Variants in TMEM132D observed in about 807,000 individuals in gnomAD.
The protein encoded by TMEM132D is transmembrane protein 132D.
In TMEM132D, 21 loss-of-function variants were observed where a neutral mutation model predicts 62.3. The ratio of observed to expected loss-of-function variants is 0.34; its 90% confidence interval spans 0.24 to 0.49. The LOEUF (loss-of-function observed/expected upper bound fraction) is 0.49, where lower values mean the gene tolerates loss of function less well. Among genes scored for constraint, TMEM132D ranks in the 20% least tolerant of loss-of-function variants. The pLI is 0.99. For missense variants in TMEM132D, 1,346 were observed against 1,402.8 expected (o/e 0.96, Z 0.65); for synonymous variants, 621 against 575.6 (o/e 1.08, Z -1.13).
intron 2 of TMEM132D, among the ~76,000 whole-genome samples, chr12:129,664,706 T>C (rs1367813654): frequency 1.3e-5 from 2 of 152,112 alleles, no homozygotes; most frequent in Non-Finnish European, 2.9e-5. Context: ...ATTACAGGTG[T>C]GAGCCACTGC....
intron 3 of TMEM132D, among the ~76,000 whole-genome samples, chr12:129,408,964 G>C (rs1871882887): frequency 6.6e-6 from 1 of 152,082 alleles, no homozygotes; most frequent in South Asian, 2.1e-4. Flanking sequence ...ATGGAGTCTT[G>C]CTCTTTCGCC....
intron 2 of TMEM132D, among the ~76,000 whole-genome samples, chr12:129,659,563 C>T (rs535210887): frequency 6.6e-6 from 1 of 151,426 alleles, no homozygotes; most frequent in South Asian, 2.1e-4. Flanking sequence ...AATTGAGAAG[C>T]AATTTGATTT....
intron 5 of TMEM132D, among the ~76,000 whole-genome samples, chr12:129,125,500 GT>G (rs397850884): frequency 3.7e-5 from 2 of 53,894 alleles, no homozygotes; most frequent in Admixed American, 1.8e-4. Context: ...ATTACTATGA[GT>G]TTTTTTTTTT....
intron 2 of TMEM132D, among the ~76,000 whole-genome samples, chr12:129,640,748 TAGC>T (rs1227694615): frequency 1.3e-5 from 2 of 152,118 alleles, no homozygotes; most frequent in Non-Finnish European, 2.9e-5. Context: ...CCATGACACA[TAGC>T]AGAAGGTGAG....
chr12:129,463,434 T>G (rs976209709), intron 3 of TMEM132D, among the ~76,000 whole-genome samples: 1 of 140,652 alleles, frequency 7.1e-6, no homozygotes, highest in Non-Finnish European at 1.6e-5. Context: ...CTGGGATCCC[T>G]GTCCTATTTA....
chr12:129,187,912 T>C (rs1204612288), intron 5 of TMEM132D, among the ~76,000 whole-genome samples: 1 of 152,278 alleles, frequency 6.6e-6, no homozygotes, highest in Non-Finnish European at 1.5e-5. Flanking sequence ...TATTACTTAC[T>C]AATATGTTTC....
intron 3 of TMEM132D, among the ~76,000 whole-genome samples, chr12:129,428,296 T>C (rs1872555503): frequency 6.6e-6 from 1 of 152,266 alleles, no homozygotes; most frequent in Non-Finnish European, 1.5e-5. Context: ...AGCATCTTTT[T>C]ACTTTTATGA....
At chr12:129,794,253 A>ATTTTTTTTTTTTTT (rs3046861) in intron 1 of TMEM132D, among the ~76,000 whole-genome samples, 5 of 111,554 alleles carry the variant, frequency 4.5e-5, no homozygotes, top group Non-Finnish European at 7.0e-5. Context: ...CATGCCCAGC[A>ATTTTTTTTTTTTTT]TTTTTTTTTT....
At chr12:129,750,285 T>C (rs983396639) in intron 1 of TMEM132D, among the ~76,000 whole-genome samples, 1 of 152,012 alleles carries the variant, frequency 6.6e-6, no homozygotes, top group Non-Finnish European at 1.5e-5. Flanking sequence ...TGGGTTTCAC[T>C]GTGTTAGCCA....
intron 4 of TMEM132D, among the ~76,000 whole-genome samples, chr12:129,292,144 G>T (rs1021087601): frequency 6.6e-6 from 1 of 152,216 alleles, no homozygotes; most frequent in African/African-American, 2.4e-5. Flanking sequence ...ACATCTATTG[G>T]CCCTCTTCAC....
In TMEM132D at chr12:129,118,875, G is replaced by A. The variant is rs147899268; in HGVS notation, c.1444-34173C>T. 3.6e-3 allele frequency among the ~76,000 whole-genome samples: 544 copies of A among 152,312 alleles called. 6 individuals carry two copies. Among genetic ancestry groups the A allele is most frequent in the African/African-American group, 0.012 (509 of 41,566 alleles). On this transcript the variant is annotated intron_variant, in intron 5 of 8. Transcript: ENST00000422113. The stretch of plus-strand genomic sequence containing the variant: ...GGAAGAACTTCAAGGAAAGCACAGC[G>A]TATCTATTTCGGCTGCTCAGCTACT...
At chr12:129,750,653 A>G (rs1257280599) in intron 1 of TMEM132D, among the ~76,000 whole-genome samples, 2 of 152,156 alleles carry the variant, frequency 1.3e-5, no homozygotes, top group Non-Finnish European at 2.9e-5. Flanking sequence ...TTAAAAGCCA[A>G]GAGTTTCACT....
chr12:129,335,644 GA>G (rs2135655373), intron 4 of TMEM132D, among the ~76,000 whole-genome samples: 1 of 152,304 alleles, frequency 6.6e-6, no homozygotes, highest in African/African-American at 2.4e-5. Context: ...GTACTAAGAT[GA>G]GGGACCTCTT....
At chr12:129,338,994 G>A (rs979903049) in intron 3 of TMEM132D, among the ~76,000 whole-genome samples, 10 of 151,804 alleles carry the variant, frequency 6.6e-5, no homozygotes, top group Admixed American at 1.3e-4. Context: ...AAGGAGGGAG[G>A]GAGGGAAAAA....
chr12:129,578,624 A>G (rs566966872), intron 2 of TMEM132D, among the ~76,000 whole-genome samples: 3 of 152,172 alleles, frequency 2.0e-5, no homozygotes, highest in African/African-American at 4.8e-5. Context: ...ACATCCTACA[A>G]TCTATACCAT....
intron 4 of TMEM132D, among the ~76,000 whole-genome samples, chr12:129,245,014 A>G (rs936715300): frequency 7.2e-5 from 11 of 152,212 alleles, no homozygotes; most frequent in African/African-American, 2.7e-4. Context: ...TTCTAAGCCC[A>G]TATTCTTTTA....
chr12:129,178,310 T>C (rs1370193198), intron 5 of TMEM132D, among the ~76,000 whole-genome samples: 1 of 152,200 alleles, frequency 6.6e-6, no homozygotes, highest in Non-Finnish European at 1.5e-5. Flanking sequence ...CTGGGTCAAA[T>C]GGTATTTCTG....
intron 2 of TMEM132D, among the ~76,000 whole-genome samples, chr12:129,568,597 G>A (rs953009285): frequency 2.6e-5 from 4 of 152,178 alleles, no homozygotes; most frequent in Admixed American, 1.3e-4. Context: ...CTGTGGAGAG[G>A]CAGTTCATTT....
At chr12:129,420,315 T>G (rs1451454867) in intron 3 of TMEM132D, among the ~76,000 whole-genome samples, 33 of 58,202 alleles carry the variant, frequency 5.7e-4, no homozygotes, top group East Asian at 1.5e-3. Flanking sequence ...TGTTTTTTTT[T>G]TTTTTTTTTT....
Sources: allele counts gnomAD v4.1 joint callset (sites outside exome capture counted in the v4.1 genomes callset), GRCh38; gene constraint gnomAD v4.1.1; transcripts MANE v1.5; gene names NCBI Gene and HGNC (gene_info 2026-07-23, HGNC 2026-07-21).